The following CDC42SE2 variants were observed in gnomAD, a reference collection of about 807,000 sequenced individuals.
CDC42SE2 encodes CDC42 small effector protein 2.
A neutral mutation model predicts 11.5 loss-of-function variants in CDC42SE2; 3 were observed. The observed-to-expected ratio is 0.26, with a 90% CI of 0.12 to 0.67. The LOEUF (loss-of-function observed/expected upper bound fraction) is 0.67. Ranked by LOEUF, CDC42SE2 falls within the 30% of genes least tolerant of loss-of-function variation. The pLI, the probability that CDC42SE2 is intolerant of heterozygous loss-of-function variation, is 0.80. For missense variants in CDC42SE2, 82 were observed against 106.8 expected (o/e 0.77, Z 1.02); for synonymous variants, 33 against 34.8 (o/e 0.95, Z 0.18).
At chr5:131,246,209 G>A (rs1294241444) in intron 1 of CDC42SE2, among the ~76,000 whole-genome samples, 5 of 152,106 alleles carry the variant, frequency 3.3e-5, no homozygotes, top group African/African-American at 9.7e-5. Context: ...CAATCCCAGC[G>A]CTTTGGGAGG....
intron 1 of CDC42SE2, among the ~76,000 whole-genome samples, chr5:131,303,097 A>G (rs1303357740): frequency 6.6e-6 from 1 of 152,206 alleles, no homozygotes; most frequent in Non-Finnish European, 1.5e-5. Context: ...GAATGATTAT[A>G]TGCATTTCTT....
At chr5:131,317,913 T>A (rs1432420084) in intron 2 of CDC42SE2, among the ~76,000 whole-genome samples, 2 of 152,062 alleles carry the variant, frequency 1.3e-5, no homozygotes, top group Admixed American at 1.3e-4. Context: ...GAGAATACCT[T>A]TTTTTCCTAC....
chr5:131,315,888 C>G (rs1385877884), intron 1 of CDC42SE2, 88 bp from the exon 2 acceptor site: 2 of 152,234 alleles, frequency 1.3e-5, no homozygotes, highest in Non-Finnish European at 2.9e-5. Flanking sequence ...TGAGTTCAGT[C>G]TTTATATGGA....
At chr5:131,242,197 G>A (rs531289198), upstream of CDC42SE2, among the ~76,000 whole-genome samples, 1 of 152,088 alleles carries the variant, frequency 6.6e-6, no homozygotes, top group African/African-American at 2.4e-5. Flanking sequence ...TCTAAAGGAC[G>A]GGTAGTAGTT....
intron 1 of CDC42SE2, among the ~76,000 whole-genome samples, chr5:131,277,263 C>T (rs1232634776): frequency 6.6e-6 from 1 of 152,114 alleles, no homozygotes; most frequent in Non-Finnish European, 1.5e-5. Flanking sequence ...TGTAGTCCTA[C>T]CACTCAGTTT....
At chr5:131,329,099 C>G (rs1758357940) in intron 2 of CDC42SE2, among the ~76,000 whole-genome samples, 1 of 152,196 alleles carries the variant, frequency 6.6e-6, no homozygotes, top group Non-Finnish European at 1.5e-5. Flanking sequence ...GCTTTCCTCT[C>G]TAAGGCTTCT....
rs570332177 is a variant in CDC42SE2 at position 131,332,569 on chromosome 5, T to C, written c.-286+16425T>C. 4.7e-3 allele frequency among the ~76,000 whole-genome samples: 707 copies of C among 151,996 alleles called. 10 individuals are homozygous for C. Among genetic ancestry groups the C allele is most frequent in the African/African-American group, 0.016 (671 of 41,384 alleles). ...CCAACTTCCACAATGGTTGAACTAG[T>C]TTACAGTCCCACCAACAGTGTAAAA... On this transcript the variant is annotated intron_variant, in intron 2 of 4. Coordinates refer to ENST00000505065, the MANE Select transcript of CDC42SE2 (RefSeq NM_001375635.1).
rs138720603 is a variant in CDC42SE2 at position 131,296,187 on chromosome 5, G to A, written c.-454-19789G>A. Among the ~76,000 whole-genome samples, 176 of 152,290 alleles carry A rather than the reference G, an allele frequency of 1.2e-3. 1 individual carries two copies. The highest frequency in any genetic ancestry group is 6.8e-3 in the Middle Eastern group (2 of 294). ...AGAAACGTGGATTCCGTTTTGATGA[G>A]CTGGAGACCATGTAGACAGTGACCA... On this transcript the variant is annotated intron_variant, in intron 1 of 4. Coordinates refer to ENST00000505065, the MANE Select transcript of CDC42SE2 (RefSeq NM_001375635.1).
At chr5:131,244,766 GTC>G (rs1440260069), upstream of CDC42SE2, among the ~76,000 whole-genome samples, 2 of 152,130 alleles carry the variant, frequency 1.3e-5, no homozygotes, top group Non-Finnish European at 2.9e-5. Context: ...GTTGGGTTAG[GTC>G]ACAGCAACAA....
intron 1 of CDC42SE2, among the ~76,000 whole-genome samples, chr5:131,309,455 C>T (rs1287707119): frequency 6.6e-6 from 1 of 151,936 alleles, no homozygotes; most frequent in African/African-American, 2.4e-5. Flanking sequence ...ATGATGCTGG[C>T]CTCATAAAAT....
the CDC42SE2 span, among the ~76,000 whole-genome samples, chr5:131,231,865 C>T: frequency 1.3e-5 from 2 of 151,140 alleles, no homozygotes; most frequent in African/African-American, 4.9e-5. Context: ...GATCTCCACT[C>T]ACTGCAACCT....
intron 1 of CDC42SE2, among the ~76,000 whole-genome samples, chr5:131,296,338 G>C (rs543031528): frequency 6.6e-6 from 1 of 152,176 alleles, no homozygotes; most frequent in East Asian, 1.9e-4. Context: ...TCATTTCCTG[G>C]GTTTGCCACA....
At chr5:131,266,460 CTTTTTTT>C (rs913283936) in intron 1 of CDC42SE2, among the ~76,000 whole-genome samples, 7 of 128,196 alleles carry the variant, frequency 5.5e-5, no homozygotes, top group African/African-American at 1.9e-4. Context: ...TTTTTTTTTT[CTTTTTTT>C]TTTTTTTTTC....
At chr5:131,238,866 A>T in the CDC42SE2 span, among the ~76,000 whole-genome samples, 1 of 152,002 alleles carries the variant, frequency 6.6e-6, no homozygotes, top group Non-Finnish European at 1.5e-5. Context: ...TAATCTTTTT[A>T]TCTTTAAAAA....
chr5:131,234,300 G>C, the CDC42SE2 span, among the ~76,000 whole-genome samples: 1 of 152,056 alleles, frequency 6.6e-6, no homozygotes, highest in Non-Finnish European at 1.5e-5. Context: ...GGGTTTTCTG[G>C]ATAAACAGAA....
At chr5:131,259,252 A>G (rs2149685703), upstream of CDC42SE2, among the ~76,000 whole-genome samples, 1 of 152,292 alleles carries the variant, frequency 6.6e-6, no homozygotes, top group South Asian at 2.1e-4. Flanking sequence ...CTTCTATCAC[A>G]CTAAAAACAG....
At chr5:131,366,636 A>G (rs1399500421) in intron 3 of CDC42SE2, among the ~76,000 whole-genome samples, 1 of 152,078 alleles carries the variant, frequency 6.6e-6, no homozygotes, top group Non-Finnish European at 1.5e-5. Flanking sequence ...GGTTGTTGCA[A>G]TTTTTAGTTA....
At chr5:131,382,415 G>A (rs1206230934) in intron 3 of CDC42SE2, among the ~76,000 whole-genome samples, 1 of 152,188 alleles carries the variant, frequency 6.6e-6, no homozygotes, top group African/African-American at 2.4e-5. Flanking sequence ...TAACTCAACA[G>A]AATAAATCAC....
intron 2 of CDC42SE2, among the ~76,000 whole-genome samples, chr5:131,334,750 C>A (rs538668886): frequency 6.6e-6 from 1 of 152,114 alleles, no homozygotes; most frequent in Non-Finnish European, 1.5e-5. Context: ...AGTTTATTTG[C>A]GTAGAGGTGT....
Sources: allele counts gnomAD v4.1 joint callset (sites outside exome capture counted in the v4.1 genomes callset), GRCh38; gene constraint gnomAD v4.1.1; transcripts MANE v1.5; gene names NCBI Gene and HGNC (gene_info 2026-07-23, HGNC 2026-07-21).